ROBO2: variants seen among roughly 807,000 people sequenced by gnomAD.
ROBO2 encodes roundabout guidance receptor 2, also known as roundabout homolog 2.
ROBO2 carries 53 observed loss-of-function variants against 160.8 expected under a neutral mutation model. The observed-to-expected ratio is 0.33, with a 90% CI of 0.26 to 0.41. The LOEUF is 0.41. Among genes scored for constraint, ROBO2 ranks in the 10% least tolerant of loss-of-function variants. The pLI is 1.00. For synonymous variants in ROBO2, 664 were observed against 611.7 expected (o/e 1.09, Z -1.26); for missense variants, 1,577 against 1,722.4 (o/e 0.92, Z 1.49).
At chr3:76,347,601 A>T (rs1405802907) in intron 2 of ROBO2, among the ~76,000 whole-genome samples, 2 of 151,998 alleles carry the variant, frequency 1.3e-5, no homozygotes, top group Non-Finnish European at 2.9e-5. Context: ...TGTTCTGTTT[A>T]ACTTATTTAT....
At chr3:76,555,432 G>GAAGAAGAAA (rs1560141931) in intron 2 of ROBO2, among the ~76,000 whole-genome samples, 4 of 91,668 alleles carry the variant, frequency 4.4e-5, no homozygotes, top group African/African-American at 6.6e-5. Context: ...AAGGAGAAGG[G>GAAGAAGAAA]GAAGGGGAAG....
intron 2 of ROBO2, among the ~76,000 whole-genome samples, chr3:76,759,825 A>G (rs2061199263): frequency 6.6e-6 from 1 of 151,728 alleles, no homozygotes; most frequent in African/African-American, 2.4e-5. Flanking sequence ...GTAAAATAAG[A>G]AATTTGGAGC....
intron 2 of ROBO2, among the ~76,000 whole-genome samples, chr3:77,233,028 T>C (rs2087433444): frequency 6.6e-6 from 1 of 152,194 alleles, no homozygotes; most frequent in African/African-American, 2.4e-5. Flanking sequence ...TGTATGAAAC[T>C]AGTGCTTACA....
At chr3:76,548,143 C>G (rs142979707) in intron 2 of ROBO2, among the ~76,000 whole-genome samples, 42 of 152,172 alleles carry the variant, frequency 2.8e-4, no homozygotes, top group African/African-American at 9.4e-4. Context: ...CAGAATATTT[C>G]TTTTAATTGG....
intron 2 of ROBO2, among the ~76,000 whole-genome samples, chr3:77,361,952 T>A (rs1184000439): frequency 2.0e-5 from 3 of 152,168 alleles, no homozygotes; most frequent in Non-Finnish European, 4.4e-5. Context: ...TCCTAAGGGA[T>A]GAGCAAAACA....
At chr3:77,122,738 T>C (rs940526637) in intron 2 of ROBO2, among the ~76,000 whole-genome samples, 1 of 152,224 alleles carries the variant, frequency 6.6e-6, no homozygotes, top group Non-Finnish European at 1.5e-5. Context: ...GTGGTAATAT[T>C]GTGAGCACTG....
At chr3:76,602,101 C>T (rs2087196151) in intron 2 of ROBO2, among the ~76,000 whole-genome samples, 1 of 152,186 alleles carries the variant, frequency 6.6e-6, no homozygotes, top group African/African-American at 2.4e-5. Context: ...TCCTCATCTC[C>T]ATCTGAGACT....
chr3:76,631,399 G>A (rs2109455564), intron 2 of ROBO2, among the ~76,000 whole-genome samples: 1 of 151,934 alleles, frequency 6.6e-6, no homozygotes, highest in Admixed American at 6.6e-5. Context: ...TAATGAAAAG[G>A]TTCCCATTCT....
At chr3:76,997,178 A>G (rs567190441) in intron 2 of ROBO2, among the ~76,000 whole-genome samples, 66 of 152,290 alleles carry the variant, frequency 4.3e-4, no homozygotes, top group African/African-American at 1.5e-3. Context: ...TTTAGTATGC[A>G]TGAAAAACAC....
At chr3:77,378,165 G>A (rs1375904854) in intron 2 of ROBO2, among the ~76,000 whole-genome samples, 2 of 152,160 alleles carry the variant, frequency 1.3e-5, no homozygotes, top group African/African-American at 4.8e-5. Flanking sequence ...TTTGAAGTTA[G>A]AATGAAAGTA....
chr3:77,445,388 G>C (rs948300640), intron 2 of ROBO2, among the ~76,000 whole-genome samples: 1 of 151,986 alleles, frequency 6.6e-6, no homozygotes, highest in Non-Finnish European at 1.5e-5. Context: ...AAGCTTATTT[G>C]GTGTAATATG....
intron 2 of ROBO2, among the ~76,000 whole-genome samples, chr3:77,391,328 A>G (rs1293675495): frequency 6.6e-6 from 1 of 152,076 alleles, no homozygotes; most frequent in Non-Finnish European, 1.5e-5. Context: ...TTTTTTTGAG[A>G]CAGGGTCTCA....
At chr3:77,278,114 C>G (rs527818203) in intron 2 of ROBO2, among the ~76,000 whole-genome samples, 1 of 152,154 alleles carries the variant, frequency 6.6e-6, no homozygotes, top group African/African-American at 2.4e-5. Flanking sequence ...TAAGCTAGCC[C>G]CCTCCTCTCT....
intron 2 of ROBO2, among the ~76,000 whole-genome samples, chr3:76,806,677 A>G (rs1369607140): frequency 6.6e-6 from 1 of 152,046 alleles, no homozygotes; most frequent in Non-Finnish European, 1.5e-5. Flanking sequence ...GCGTTTAATG[A>G]GGAAGAGCTT....
intron 2 of ROBO2, among the ~76,000 whole-genome samples, chr3:76,448,904 C>G (rs529781585): frequency 6.6e-6 from 1 of 152,216 alleles, no homozygotes; most frequent in Admixed American, 6.5e-5. Context: ...CACTGCATCC[C>G]TATTCATTAT....
At chr3:77,157,920 G>A (rs1001621178) in intron 2 of ROBO2, among the ~76,000 whole-genome samples, 8 of 151,964 alleles carry the variant, frequency 5.3e-5, no homozygotes, top group Non-Finnish European at 7.4e-5. Flanking sequence ...CCTTGAATAC[G>A]GCCCTGATTG....
chr3:76,080,380 T>A (rs1284698248), intron 2 of ROBO2, among the ~76,000 whole-genome samples: 1 of 152,216 alleles, frequency 6.6e-6, no homozygotes, highest in Non-Finnish European at 1.5e-5. Context: ...TTTCTACTGT[T>A]CCCAAAGATC....
At position 76,965,669 on chromosome 3, in the gene ROBO2, T is replaced by TAA. The variant is rs375028767; in HGVS notation, c.110-132331_110-132330dup. Among the ~76,000 whole-genome samples the TAA allele has an allele frequency of 2.5e-4, 31 of 122,726 alleles. No individual in the cohort carries two copies. The South Asian group carries it at 3.9e-3, about 15-fold the overall frequency. 80.5% of individuals were successfully genotyped at this position (122,726 alleles called of 152,430 possible). On this transcript the variant is annotated intron_variant, in intron 2 of 26. Coordinates refer to the ROBO2 transcript ENST00000487694. ...CTAGTTCTCATATATCTATCAAAGG[T>TAA]AAAAAAAAAAAAAAACTTCAGTAAA...
intron 2 of ROBO2, among the ~76,000 whole-genome samples, chr3:77,295,458 T>G (rs1560468651): frequency 6.7e-6 from 1 of 148,292 alleles, no homozygotes; most frequent in South Asian, 2.1e-4. Context: ...AGACATAAAG[T>G]AAAATTGACG....
Sources: gnomAD v4.1 joint callset for allele counts (sites outside exome capture counted in the v4.1 genomes callset) on GRCh38, gnomAD v4.1.1 for gene constraint, MANE v1.5 for transcripts, NCBI Gene and HGNC (gene_info 2026-07-23, HGNC 2026-07-21) for gene names.